Variants in ALK observed in about 807,000 individuals in gnomAD.
ALK encodes the protein ALK receptor tyrosine kinase, also known as ALK tyrosine kinase receptor.
ALK carries 74 observed loss-of-function variants against 163.1 expected under a neutral mutation model. That is an observed-to-expected ratio of 0.45 (90% CI 0.38 to 0.55). ALK has a LOEUF of 0.55. ALK is among the 20% of genes least tolerant of loss of function. The pLI, the probability that ALK is intolerant of heterozygous loss-of-function variation, is 0.00. For synonymous variants in ALK, 960 were observed against 843.2 expected (o/e 1.14, Z -2.40); for missense variants, 2,063 against 2,105.3 (o/e 0.98, Z 0.39).
At chr2:29,324,399 C>A (rs1667184673) in intron 6 of ALK, among the ~76,000 whole-genome samples, 1 of 152,270 alleles carries the variant, frequency 6.6e-6, no homozygotes, top group Middle Eastern at 3.4e-3. Context: ...AGAAGAAATA[C>A]ATCAAAATAT....
chr2:29,745,201 A>G (rs1165682738), intron 1 of ALK, among the ~76,000 whole-genome samples: 1 of 152,138 alleles, frequency 6.6e-6, no homozygotes, highest in Non-Finnish European at 1.5e-5. Flanking sequence ...TCACACTCAC[A>G]TTTTACCGAA....
At chr2:29,816,154 A>G (rs1289152421) in intron 1 of ALK, among the ~76,000 whole-genome samples, 1 of 152,222 alleles carries the variant, frequency 6.6e-6, no homozygotes, top group Non-Finnish European at 1.5e-5. Flanking sequence ...ACACAGCTCA[A>G]GCTTTCTAGT....
chr2:29,209,564 G>T lies in ALK; in HGVS notation c.3836+222C>A, dbSNP rs1454703412. Among the ~76,000 whole-genome samples, 2 of 137,982 alleles carry T rather than the reference G, an allele frequency of 1.4e-5. 1 individual carries two copies. Among genetic ancestry groups the T allele is most frequent in the Admixed American group, 1.5e-4 (2 of 13,428 alleles). 90.5% of individuals were successfully genotyped at this position (137,982 alleles called of 152,430 possible). A position where few individuals can be genotyped will look rare whatever the true frequency, so the allele number is the denominator to read the frequency against. ...TCTCAAAAAAAAAAAAAAAAAAAAAGCTTGGTGTCAATTACTGCAGGAAGT... is the reference window on the plus strand; with the variant it reads ...TCTCAAAAAAAAAAAAAAAAAAAAATCTTGGTGTCAATTACTGCAGGAAGT... On this transcript the variant is annotated intron_variant, in intron 25 of 28. Transcript: ENST00000389048.
rs575532081 is a variant in ALK at position 29,274,806 on chromosome 2, G to A, written c.2041+293C>T. Among the ~76,000 whole-genome samples, 22 of 152,308 alleles carry A rather than the reference G, an allele frequency of 1.4e-4. No homozygotes were observed. In the East Asian group the frequency reaches 4.2e-3, roughly 29 times the overall value. ...GTAAGGCGGCAGTGAATTCAAAGCAGAGTTGGGGAAAAAAATGCCAGCTTG... is the reference window on the plus strand; with the variant it reads ...GTAAGGCGGCAGTGAATTCAAAGCAAAGTTGGGGAAAAAAATGCCAGCTTG... On this transcript the variant is annotated intron_variant, in intron 11 of 28. Coordinates refer to ENST00000389048, the MANE Select transcript of ALK (RefSeq NM_004304.5).
intron 4 of ALK, among the ~76,000 whole-genome samples, chr2:29,384,370 GC>G (rs2148302225): frequency 6.6e-6 from 1 of 152,216 alleles, no homozygotes; most frequent in Admixed American, 6.5e-5. Flanking sequence ...TTTATTTACT[GC>G]AGGAAAATTA....
chr2:29,400,618 T>C (rs1407239920), intron 4 of ALK, among the ~76,000 whole-genome samples: 1 of 152,164 alleles, frequency 6.6e-6, no homozygotes, highest in East Asian at 1.9e-4. Flanking sequence ...CCTTGCCTCT[T>C]TTATGAAGTC....
intron 4 of ALK, among the ~76,000 whole-genome samples, chr2:29,431,764 C>A (rs147477732): frequency 2.7e-4 from 41 of 152,192 alleles, no homozygotes; most frequent in Non-Finnish European, 5.0e-4. Flanking sequence ...GTGATGGAAG[C>A]TGAATCAATC....
intron 4 of ALK, among the ~76,000 whole-genome samples, chr2:29,531,226 G>A (rs771550517): frequency 3.2e-4 from 48 of 152,230 alleles, no homozygotes; most frequent in Non-Finnish European, 6.6e-4. Context: ...CCTCAACGCT[G>A]AGGTCATAGG....
Position 29,742,684 on chromosome 2 carries a change from G to A in ALK, c.668-24987C>T, listed in dbSNP as rs1680094958. 2.0e-5 allele frequency among the ~76,000 whole-genome samples: 3 copies of A among 152,174 alleles called. No individual in the cohort carries two copies. The South Asian group carries it at 6.2e-4, about 32-fold the overall frequency. ...AACCCCTGGCAGGAGACTCTGGCAT[G>A]CCAAACCTCACTTATTCTCCCATTC... On this transcript the variant is annotated intron_variant, in intron 1 of 28. Transcript: ENST00000389048.
At chr2:29,908,863 G>C (rs1395294977) in intron 1 of ALK, among the ~76,000 whole-genome samples, 2 of 152,124 alleles carry the variant, frequency 1.3e-5, no homozygotes, top group East Asian at 3.9e-4. Context: ...AGCATACTTT[G>C]TCTGCCTTTT....
intron 1 of ALK, among the ~76,000 whole-genome samples, chr2:29,793,124 G>A (rs1664229479): frequency 6.6e-6 from 1 of 152,232 alleles, no homozygotes; most frequent in East Asian, 1.9e-4. Flanking sequence ...TAAACCCTTT[G>A]CTGCCATTTC....
At chr2:29,547,158 A>G (rs187671659) in intron 3 of ALK, among the ~76,000 whole-genome samples, 7 of 152,340 alleles carry the variant, frequency 4.6e-5, no homozygotes, top group African/African-American at 1.4e-4. Flanking sequence ...CTTCTAACAG[A>G]TCTTTTCACT....
intron 1 of ALK, among the ~76,000 whole-genome samples, chr2:29,721,691 T>C (rs947131928): frequency 5.3e-5 from 8 of 152,250 alleles, no homozygotes; most frequent in Non-Finnish European, 7.3e-5. Context: ...ACTTAGGTGC[T>C]AGTCTCGTCT....
chr2:29,657,216 G>T (rs1254483352), intron 3 of ALK, among the ~76,000 whole-genome samples: 2 of 152,108 alleles, frequency 1.3e-5, no homozygotes, highest in Non-Finnish European at 2.9e-5. Context: ...GCAAAACCTG[G>T]ACTGTAAAGA....
chr2:29,729,435 G>A (rs1681659532), intron 1 of ALK, among the ~76,000 whole-genome samples: 1 of 152,148 alleles, frequency 6.6e-6, no homozygotes, highest in Admixed American at 6.5e-5. Context: ...AACGTGGTGG[G>A]GGAAAGAGAA....
At chr2:29,251,461 C>A (rs905721617) in intron 11 of ALK, among the ~76,000 whole-genome samples, 194 bp from the exon 12 acceptor site, 1 of 152,252 alleles carries the variant, frequency 6.6e-6, no homozygotes, top group Non-Finnish European at 1.5e-5. Context: ...ATGTGCCAGA[C>A]CCTGAGTCAG....
chr2:29,430,725 G>C (rs115674076), intron 4 of ALK, among the ~76,000 whole-genome samples: 1,630 of 152,312 alleles, frequency 0.011, 15 homozygotes, highest in African/African-American at 0.038. Flanking sequence ...GGTATAAAGA[G>C]AGCAATTAAT....
chr2:29,371,607 A>G (rs1385357575), intron 5 of ALK, among the ~76,000 whole-genome samples: 1 of 152,230 alleles, frequency 6.6e-6, no homozygotes, highest in Non-Finnish European at 1.5e-5. Context: ...CATTTATGAT[A>G]CTTTAGGCCA....
At chr2:29,590,373 A>C (rs1312609250) in intron 3 of ALK, among the ~76,000 whole-genome samples, 4 of 152,170 alleles carry the variant, frequency 2.6e-5, no homozygotes, top group Admixed American at 6.5e-5. Context: ...AGGTTAAAAA[A>C]ATTTTTTACC....
Sources: allele counts gnomAD v4.1 joint callset (sites outside exome capture counted in the v4.1 genomes callset), GRCh38; gene constraint gnomAD v4.1.1; transcripts MANE v1.5; gene names NCBI Gene and HGNC (gene_info 2026-07-23, HGNC 2026-07-21).